Variants in LOXHD1 observed in about 807,000 individuals in gnomAD.
The protein encoded by LOXHD1 is lipoxygenase homology domain-containing protein 1.
Under a neutral mutation model 248.2 loss-of-function variants are expected in LOXHD1, and 205 were observed. The observed-to-expected ratio is 0.83, with a 90% CI of 0.74 to 0.93. The LOEUF (loss-of-function observed/expected upper bound fraction) is 0.93, where lower values mean the gene tolerates loss of function less well. Ranked by LOEUF, LOXHD1 falls within the 40% of genes least tolerant of loss-of-function variation. The pLI, the probability that LOXHD1 is intolerant of heterozygous loss-of-function variation, is 0.00. For missense variants in LOXHD1, 2,930 were observed against 2,971.6 expected, an observed-to-expected ratio of 0.99 and a Z score of 0.33; for synonymous variants, 1,113 against 1,162.8, an observed-to-expected ratio of 0.96 and a Z score of 0.87.
At position 46,631,390 on chromosome 18, in the gene LOXHD1, G is replaced by A. The variant is rs961657741; in HGVS notation, c.511+8226C>T. 1.1e-4 allele frequency among the ~76,000 whole-genome samples: 17 copies of A among 152,330 alleles called. No homozygotes were observed. The East Asian group carries it at 3.3e-3, about 29-fold the overall frequency. ...ACGTGTGAACCACAGGGAGTAGGTT[G>A]AGAAGGTCCTCCTCCCTGCCCGTGA... On this transcript the variant is annotated intron_variant, in intron 4 of 40. Transcript: ENST00000642948.
At chr18:46,635,480 T>C (rs1188826660) in intron 4 of LOXHD1, among the ~76,000 whole-genome samples, 2 of 152,150 alleles carry the variant, frequency 1.3e-5, no homozygotes, top group Non-Finnish European at 2.9e-5. Flanking sequence ...CCATCAGCTA[T>C]TGGCCATTTG....
chr18:46,642,152 T>C, intron 2 of LOXHD1, 116 bp from the exon 3 acceptor site: 1 of 911,524 alleles, frequency 1.1e-6, no homozygotes. Flanking sequence ...GGGAGAGCTA[T>C]GAGCAACAAG....
intron 35 of LOXHD1, among the ~76,000 whole-genome samples, chr18:46,508,694 C>T (rs1301101729): frequency 6.6e-5 from 10 of 152,228 alleles, no homozygotes; most frequent in African/African-American, 2.4e-4. Flanking sequence ...CCTAGGACCT[C>T]GTGTGACACG....
intron 4 of LOXHD1, among the ~76,000 whole-genome samples, chr18:46,629,956 T>C (rs915402156): frequency 6.6e-6 from 1 of 152,126 alleles, no homozygotes. Context: ...TTTCCTGTAA[T>C]CATCAGCCTC....
intron 17 of LOXHD1, among the ~76,000 whole-genome samples, chr18:46,564,409 G>A (rs1022471081): frequency 1.3e-5 from 2 of 152,106 alleles, no homozygotes; most frequent in Admixed American, 1.3e-4. Flanking sequence ...GCACGTGCCT[G>A]TAGTCCCAGC....
chr18:46,547,239 G>A (rs1006272068), intron 21 of LOXHD1, among the ~76,000 whole-genome samples, 181 bp from the exon 22 acceptor site: 12 of 152,102 alleles, frequency 7.9e-5, no homozygotes, highest in African/African-American at 2.9e-4. Context: ...ATTTGCCTGG[G>A]GTAGAGAACA....
At chr18:46,514,646 T>C (rs954766587) in intron 34 of LOXHD1, among the ~76,000 whole-genome samples, 4 of 152,176 alleles carry the variant, frequency 2.6e-5, no homozygotes, top group Admixed American at 2.6e-4. Context: ...TCTGTTTCCA[T>C]TCCCTTGAGC....
At chr18:46,595,554 A>G (rs1599037093) in intron 8 of LOXHD1, among the ~76,000 whole-genome samples, 1 of 152,342 alleles carries the variant, frequency 6.6e-6, no homozygotes, top group South Asian at 2.1e-4. Context: ...AGAACAAGGA[A>G]TATAAGTATT....
At position 46,524,525 on chromosome 18, in the gene LOXHD1, G is replaced by T. The variant is rs1247230130; in HGVS notation, c.4817C>A (p.Ala1606Asp). The T allele has an allele frequency of 7.7e-6, 12 of 1,551,598 alleles. No individual in the cohort carries two copies. The highest frequency in any genetic ancestry group is 1.0e-5 in the Non-Finnish European group (12 of 1,147,014). ...GGTCACTGTGCTGATGTCGACATCG[G>T]CCATCTTGGAGCTCAGGGCGATCTC... is the stretch of plus-strand genomic sequence containing the variant. Reference protein sequence around the residue: ...FWEIALSSKMADVDISTVTGP... With the variant: ...FWEIALSSKMDDVDISTVTGP... Residue 1606 changes from alanine (A) to aspartate (D), a missense_variant, in exon 31 of 41, where the codon GCC becomes GAC. Ala to Asp is a moderately radical substitution (Grantham distance 126, BLOSUM62 -2). Transcript: ENST00000642948.
rs1207647954 is a variant in LOXHD1 at position 46,542,834 on chromosome 18, G to C, written c.3641C>G (p.Ser1214Cys). The C allele has an allele frequency of 4.5e-6, 7 of 1,551,532 alleles. No individual in the cohort carries two copies. Among genetic ancestry groups the C allele is most frequent in the Non-Finnish European group, 6.1e-6 (7 of 1,146,992 alleles). The change falls in exon 24 of 41, where the codon TCC becomes TGC. Residue 1214 changes from serine (S) to cysteine (C), a missense_variant. By Grantham distance (112) the Ser-to-Cys change is moderately radical (BLOSUM62 -1). Coordinates refer to ENST00000642948, the MANE Select transcript of LOXHD1 (RefSeq NM_001384474.1). ...CTCAAACTTATCGCTGTTTGTCTTG[G>C]AGGACTTCAGGAGGGTCATTCCTGT... is the stretch of plus-strand genomic sequence containing the variant. ...DDTGMTLLKS[S>C]KTNSDKFERD...
intron 40 of LOXHD1, among the ~76,000 whole-genome samples, chr18:46,482,533 C>T (rs1366119686): frequency 1.3e-5 from 2 of 152,230 alleles, no homozygotes; most frequent in African/African-American, 4.8e-5. Flanking sequence ...GTTTAAGCCA[C>T]CCACTCTCTG....
At chr18:46,482,521 T>C (rs1404196671) in intron 40 of LOXHD1, among the ~76,000 whole-genome samples, 1 of 152,178 alleles carries the variant, frequency 6.6e-6, no homozygotes, top group Non-Finnish European at 1.5e-5. Context: ...TAGCTTTCTG[T>C]TGTTTAAGCC....
At chr18:46,593,877 G>T in intron 9 of LOXHD1, 117 bp from the exon 10 acceptor site, 3 of 1,056,064 alleles carry the variant, frequency 2.8e-6, no homozygotes, top group Non-Finnish European at 4.1e-6. Flanking sequence ...GTATACACAG[G>T]TGTGTCCCAC....
intron 4 of LOXHD1, among the ~76,000 whole-genome samples, chr18:46,635,515 T>A (rs2038881740): frequency 6.6e-6 from 1 of 152,128 alleles, no homozygotes; most frequent in South Asian, 2.1e-4. Flanking sequence ...CCCACATCCC[T>A]GGGCCTCTGT....
chr18:46,484,978 T>TTCCCC, intron 39 of LOXHD1, 41 bp downstream of exon 39: 1 of 1,539,966 alleles, frequency 6.5e-7, no homozygotes. Context: ...CTCCCTTACC[T>TTCCCC]ACCCACCCCC....
chr18:46,494,855 T>C (rs1251977638), intron 37 of LOXHD1, among the ~76,000 whole-genome samples: 7 of 132,882 alleles, frequency 5.3e-5, no homozygotes, highest in Admixed American at 3.0e-4. Flanking sequence ...CTCTCTTTTT[T>C]TTTTTTTTTT....
rs536887630 is a variant in LOXHD1 at position 46,628,489 on chromosome 18, G to A, written c.512-10199C>T. ...CTCAGAGAGCCCTGGAGAGTGCTCC[G>A]TGAAGGAAAATGACAAAGCGTCGGG... On this transcript the variant is annotated intron_variant, in intron 4 of 40. Coordinates refer to ENST00000642948, the MANE Select transcript of LOXHD1 (RefSeq NM_001384474.1). Among the ~76,000 whole-genome samples the A allele has an allele frequency of 9.2e-5, 14 of 152,350 alleles. No homozygotes were observed. In the East Asian group the frequency reaches 9.6e-4, roughly 10 times the overall value.
At chr18:46,621,176 A>G (rs112952671) in intron 4 of LOXHD1, among the ~76,000 whole-genome samples, 2 of 152,156 alleles carry the variant, frequency 1.3e-5, no homozygotes, top group African/African-American at 4.8e-5. Flanking sequence ...CTGAGTCCCT[A>G]TGCAGTTGGC....
At chr18:46,485,910 G>A (rs4890655) in intron 38 of LOXHD1, among the ~76,000 whole-genome samples, 13,441 of 151,940 alleles carry the variant, frequency 0.088, 740 homozygotes, top group Non-Finnish European at 0.12. Flanking sequence ...GAGCACTTAG[G>A]TGTGCTCCTC....
Sources: gnomAD v4.1 joint callset for allele counts (sites outside exome capture counted in the v4.1 genomes callset) on GRCh38, gnomAD v4.1.1 for gene constraint, MANE v1.5 for transcripts, NCBI Gene and HGNC (gene_info 2026-07-23, HGNC 2026-07-21) for gene names.